The following MED13 variants were observed in gnomAD, a reference collection of about 807,000 sequenced individuals.
MED13 encodes mediator complex subunit 13, also known as mediator of RNA polymerase II transcription subunit 13.
Under a neutral mutation model 225.2 loss-of-function variants are expected in MED13, and 23 were observed. The observed-to-expected ratio is 0.10, with a 90% CI of 0.07 to 0.14. The LOEUF (loss-of-function observed/expected upper bound fraction) is 0.14, where lower values mean the gene tolerates loss of function less well. Ranked by LOEUF, MED13 falls within the 10% of genes least tolerant of loss-of-function variation. The probability of loss-of-function intolerance (pLI) is 1.00; values close to 1 mark genes in which losing one functional copy is unlikely to be tolerated. For synonymous variants in MED13, 942 were observed against 889.2 expected, an observed-to-expected ratio of 1.06 and a Z score of -1.06; for missense variants, 2,197 against 2,594.5, an observed-to-expected ratio of 0.85 and a Z score of 3.33.
intron 5 of MED13, chr17:62,032,479 G>GAAAAA (rs34664435): frequency 1.3e-5 from 1 of 75,310 alleles, no homozygotes; most frequent in African/African-American, 5.2e-5. Flanking sequence ...TCCGTCTCAG[G>GAAAAA]AAAAAAAAAA....
At chr17:62,035,658 T>C (rs1567992938) in intron 3 of MED13, 50 bp from the exon 4 acceptor site, 5 of 1,538,284 alleles carry the variant, frequency 3.3e-6, no homozygotes, top group Non-Finnish European at 4.4e-6. Context: ...TGGCCAAAAA[T>C]GTTAACTTGC....
intron 3 of MED13, among the ~76,000 whole-genome samples, chr17:62,051,279 C>T (rs2080954370): frequency 6.6e-6 from 1 of 152,292 alleles, no homozygotes; most frequent in East Asian, 1.9e-4. Flanking sequence ...TCTCTTCCTG[C>T]CTGGAATCCA....
At position 61,972,877 on chromosome 17, in the gene MED13, G is replaced by A; in HGVS notation, c.3817C>T (p.Gln1273Ter). The A allele has an allele frequency of 6.3e-7, 1 of 1,589,076 alleles. No homozygotes were observed. Among genetic ancestry groups the A allele is most frequent in the Non-Finnish European group, 8.5e-7 (1 of 1,172,484 alleles). The change falls in exon 17 of 30, where the codon CAG becomes TAG. Residue 1273 changes from glutamine to a stop codon, truncating the protein, a stop_gained. Transcript: ENST00000397786. LOFTEE classifies it high-confidence loss of function. ...PWSKRNDVSM[Q>*]CSQDILRMLL... ...ATTCGAAGTATATCCTGTGAGCACT[G>A]CATACTCACATCTACAAGCATTTTA...
chr17:62,026,339 G>T (rs2080701806), intron 8 of MED13, among the ~76,000 whole-genome samples: 1 of 152,064 alleles, frequency 6.6e-6, no homozygotes, highest in Non-Finnish European at 1.5e-5. Flanking sequence ...GTTTTGTCAT[G>T]CTTTGAGTTT....
intron 1 of MED13, among the ~76,000 whole-genome samples, chr17:62,063,953 T>G (rs1251385558): frequency 1.3e-5 from 2 of 152,148 alleles, no homozygotes; most frequent in East Asian, 3.9e-4. Flanking sequence ...TAATGGACAT[T>G]GAAAAGAAAA....
At chr17:62,010,322 A>T (rs2143585559) in intron 9 of MED13, 1 of 370,110 alleles carries the variant, frequency 2.7e-6, no homozygotes, top group South Asian at 1.5e-4. Flanking sequence ...AAGTTGGCTG[A>T]TGTACAAGTG....
chr17:61,947,054 C>T (rs369583250), intron 28 of MED13, 37 bp from the exon 29 acceptor site: 177 of 1,434,228 alleles, frequency 1.2e-4, no homozygotes, highest in Middle Eastern at 1.7e-4. Context: ...GTCAGCCAAA[C>T]AGAAAATAAT....
At chr17:61,964,523 C>CCA (rs2080036798) in intron 20 of MED13, among the ~76,000 whole-genome samples, 1 of 152,070 alleles carries the variant, frequency 6.6e-6, no homozygotes, top group South Asian at 2.1e-4. Context: ...CGTGATCACG[C>CCA]CACTATACTC....
In MED13 at chr17:61,955,366, G is replaced by A; in HGVS notation, c.5968+16C>T. 1 of 1,497,918 alleles carries A rather than the reference G, an allele frequency of 6.7e-7. No individual in the cohort carries two copies. Among genetic ancestry groups the A allele is most frequent in the South Asian group, 1.4e-5 (1 of 71,722 alleles). The allele number at this position is 1,497,918 out of a possible 1,614,324, so 92.8% of individuals were successfully genotyped here. The stretch of plus-strand genomic sequence containing the variant: ...GGGGTATTCTTCAGACTACCAAAAT[G>A]GAACAAATTACGTACCATTGTTGGG... On this transcript the variant is annotated intron_variant, in intron 26 of 29. Transcript: ENST00000397786.
chr17:61,964,928 T>G, intron 20 of MED13, 78 bp downstream of exon 20: 2 of 1,331,964 alleles, frequency 1.5e-6, no homozygotes, highest in Admixed American at 4.7e-5. Context: ...AGAGTGAGAC[T>G]GTGTCTCAAG....
At chr17:62,050,354 G>GT (rs1229175027) in intron 3 of MED13, among the ~76,000 whole-genome samples, 13 of 147,282 alleles carry the variant, frequency 8.8e-5, no homozygotes, top group East Asian at 4.0e-4. Context: ...GTGAAACTCC[G>GT]TATCAGAAAA....
chr17:61,944,114 T>C lies in MED13; in HGVS notation c.*2354A>G, dbSNP rs1290316070. On this transcript the variant is annotated 3_prime_UTR_variant, in exon 30 of 30. Transcript: ENST00000397786. ...AAAAATCTTATCAATAAATCCTGTA[T>C]ATTTGGGAACTATTCCCTGATTCCC... 6.6e-6 allele frequency: 1 copy of C among 152,626 alleles called. No individual in the cohort carries two copies. The highest frequency in any genetic ancestry group is 1.5e-5 in the Non-Finnish European group (1 of 68,006). The allele number at this position is 152,626 out of a possible 1,614,324, so 9.5% of individuals were successfully genotyped here.
Position 61,946,347 on chromosome 17 carries a change from A to G in MED13, c.*121T>C. On this transcript the variant is annotated 3_prime_UTR_variant, in exon 30 of 30. Coordinates refer to ENST00000397786, the MANE Select transcript of MED13 (RefSeq NM_005121.3). ...CCCAAGTCAAAACAATATTTGTTGAAGTAATAAGAATTAGACCCCATCACA... is the reference window on the plus strand; with the variant it reads ...CCCAAGTCAAAACAATATTTGTTGAGGTAATAAGAATTAGACCCCATCACA... The G allele has an allele frequency of 8.7e-7, 1 of 1,152,716 alleles. No homozygotes were observed. Among genetic ancestry groups the G allele is most frequent in the Non-Finnish European group, 1.2e-6 (1 of 831,938 alleles). 71.4% of individuals were successfully genotyped at this position (1,152,716 alleles called of 1,614,324 possible).
At chr17:62,015,954 ATTTTTTTTTTTTTT>A (rs869061252) in intron 8 of MED13, among the ~76,000 whole-genome samples, 37 of 12,896 alleles carry the variant, frequency 2.9e-3, no homozygotes, top group African/African-American at 0.014. Flanking sequence ...ATATATATAT[ATTTTTTTTTTTTTT>A]TTTTTTTTTT....
intron 10 of MED13, among the ~76,000 whole-genome samples, chr17:61,993,154 C>T (rs1013888836): frequency 2.0e-5 from 3 of 151,176 alleles, no homozygotes; most frequent in African/African-American, 4.9e-5. Context: ...AAATTTTATC[C>T]TAAATCTGTC....
intron 20 of MED13, among the ~76,000 whole-genome samples, 200 bp downstream of exon 20, chr17:61,964,806 C>A (rs1385881841): frequency 6.6e-6 from 1 of 151,966 alleles, no homozygotes; most frequent in East Asian, 1.9e-4. Flanking sequence ...CGTGGTGGCA[C>A]ATGCCTGTAA....
chr17:62,045,909 G>A (rs2080893542), intron 3 of MED13, among the ~76,000 whole-genome samples: 1 of 151,930 alleles, frequency 6.6e-6, no homozygotes. Context: ...CTACATGTAG[G>A]TCCAGATTAT....
At chr17:62,034,037 TAAG>T in intron 4 of MED13, 53 bp from the exon 5 acceptor site, 1 of 1,478,634 alleles carries the variant, frequency 6.8e-7, no homozygotes, top group Admixed American at 1.9e-5. Flanking sequence ...TTTTACCAAA[TAAG>T]AACACAGTGA....
rs1317723803 is a variant in MED13 at position 61,943,037 on chromosome 17, AC to A, written c.*3430del. ...AATCCAGTTTTTAAATTTATACTCC[AC>A]AAAAAAGAAAATACATACATAAAAA... On this transcript the variant is annotated 3_prime_UTR_variant, in exon 30 of 30. Transcript: ENST00000397786. 5 of 152,612 alleles carry A rather than the reference AC, an allele frequency of 3.3e-5. No homozygotes were observed. The highest frequency in any genetic ancestry group is 1.2e-4 in the African/African-American group (5 of 41,454). 9.5% of individuals were successfully genotyped at this position (152,612 alleles called of 1,614,324 possible).
Sources: allele counts gnomAD v4.1 joint callset (sites outside exome capture counted in the v4.1 genomes callset), GRCh38; gene constraint gnomAD v4.1.1; transcripts MANE v1.5; gene names NCBI Gene and HGNC (gene_info 2026-07-23, HGNC 2026-07-21).